FRMD3: variants seen among roughly 807,000 people sequenced by gnomAD.
FRMD3 encodes FERM domain containing 3, also known as FERM domain-containing protein 3.
FRMD3 carries 33 observed loss-of-function variants against 70.2 expected under a neutral mutation model. The ratio of observed to expected loss-of-function variants is 0.47; its 90% CI spans 0.36 to 0.63. The LOEUF is 0.63. FRMD3 is among the 20% of genes least tolerant of loss of function. FRMD3 has a pLI of 0.00. For synonymous variants in FRMD3, 279 were observed against 255.9 expected (o/e 1.09, Z -0.86); for missense variants, 632 against 711.4 (o/e 0.89, Z 1.27).
intron 3 of FRMD3, among the ~76,000 whole-genome samples, chr9:83,351,700 G>GATAGATAT (rs1824167630): frequency 6.6e-6 from 1 of 151,286 alleles, no homozygotes; most frequent in African/African-American, 2.4e-5. Context: ...TAGATAGATA[G>GATAGATAT]ATAGATAGAT....
At chr9:83,385,206 C>G (rs76413872) in intron 2 of FRMD3, among the ~76,000 whole-genome samples, 1,936 of 151,746 alleles carry the variant, frequency 0.013, 35 homozygotes, top group African/African-American at 0.044. Context: ...AAAATCTAAA[C>G]TTAAGCCAAG....
Position 83,537,302 on chromosome 9 carries a change from T to A in FRMD3, c.147+783A>T, listed in dbSNP as rs905478520. Among the ~76,000 whole-genome samples the A allele has an allele frequency of 1.3e-5, 2 of 152,218 alleles. No individual in the cohort carries two copies. The highest frequency in any genetic ancestry group is 2.9e-5 in the Non-Finnish European group (2 of 68,038). ...CAAACAACTCGCCTTCTCCTCCAAC[T>A]TGGGCGACAGTGAATGTCCACCAAG... On this transcript the variant is annotated intron_variant, in intron 1 of 13. Coordinates refer to ENST00000304195, the MANE Select transcript of FRMD3 (RefSeq NM_174938.6). The surrounding 1 kb of genome is among the most constrained non-coding windows in gnomAD (Gnocchi z 4.1).
At chr9:83,408,161 A>C (rs1316021341) in intron 1 of FRMD3, among the ~76,000 whole-genome samples, 6 of 152,174 alleles carry the variant, frequency 3.9e-5, no homozygotes. Flanking sequence ...AAAGGGAATT[A>C]AACATGTCCT....
intron 3 of FRMD3, among the ~76,000 whole-genome samples, chr9:83,369,621 T>TAAATAAATAAAA (rs1295025591): frequency 3.5e-5 from 5 of 143,724 alleles, no homozygotes; most frequent in Admixed American, 1.4e-4. Flanking sequence ...AATAAATAAA[T>TAAATAAATAAAA]AAAATACACA....
At chr9:83,490,763 TTCTCTCTCTCTCTCTCTCTCTCTC>T (rs67058664) in intron 1 of FRMD3, among the ~76,000 whole-genome samples, 1 of 129,222 alleles carries the variant, frequency 7.7e-6, no homozygotes, top group African/African-American at 2.8e-5. Context: ...TTTTACTCTC[TTCTCTCTCTCTCTCTCTCTCTCTC>T]TCTCTCTCTC....
At chr9:83,561,765 T>C in the FRMD3 span, among the ~76,000 whole-genome samples, 2 of 152,198 alleles carry the variant, frequency 1.3e-5, no homozygotes, top group Non-Finnish European at 2.9e-5. Context: ...AACCCTGACA[T>C]GAATAGGGTA....
In FRMD3 at chr9:83,413,943, T is replaced by C. The variant is rs549390544; in HGVS notation, c.148-24235A>G. On this transcript the variant is annotated intron_variant, in intron 1 of 13. Coordinates refer to ENST00000304195, the MANE Select transcript of FRMD3 (RefSeq NM_174938.6). ...TACAAATAATTATTCCAAGAAATGA[T>C]AGAATTGTAGTCCTAGCAGGAACCA... Among the ~76,000 whole-genome samples the C allele has an allele frequency of 4.5e-4, 69 of 152,288 alleles. No homozygotes were observed. In the South Asian group the frequency reaches 9.5e-3, roughly 21 times the overall value.
chr9:83,488,554 G>GT (rs1828736969), intron 1 of FRMD3, among the ~76,000 whole-genome samples: 1 of 152,154 alleles, frequency 6.6e-6, no homozygotes, highest in Admixed American at 6.5e-5. Context: ...AGGGGACCCC[G>GT]TTTTAAAAAA....
intron 2 of FRMD3, among the ~76,000 whole-genome samples, chr9:83,382,543 T>C (rs1406629122): frequency 1.3e-5 from 2 of 152,190 alleles, no homozygotes; most frequent in African/African-American, 2.4e-5. Context: ...GTGGCAGAGA[T>C]AGGATTTGCC....
Position 83,357,266 on chromosome 9 carries a change from T to TA in FRMD3, c.296-7510dup, listed in dbSNP as rs1824417428. 3.1e-5 allele frequency among the ~76,000 whole-genome samples: 2 copies of TA among 65,404 alleles called. 1 individual carries two copies. Among genetic ancestry groups the TA allele is most frequent in the South Asian group, 8.8e-4 (2 of 2,262 alleles). The allele number at this position is 65,404 out of a possible 152,430, so 42.9% of individuals were successfully genotyped here. ...ACATACATATATATATATATATATA[T>TA]ATATATATATATATATATATATATA... On this transcript the variant is annotated intron_variant, in intron 3 of 13. Transcript: ENST00000304195.
intron 13 of FRMD3, among the ~76,000 whole-genome samples, chr9:83,271,914 C>T (rs1174717320): frequency 6.6e-6 from 1 of 152,236 alleles, no homozygotes; most frequent in East Asian, 1.9e-4. Flanking sequence ...TCATGACTTA[C>T]TTCCTTGTAT....
chr9:83,570,014 G>A, the FRMD3 span, among the ~76,000 whole-genome samples: 2 of 152,152 alleles, frequency 1.3e-5, no homozygotes, highest in Non-Finnish European at 2.9e-5. Context: ...CAGAGCTCCT[G>A]GCTTTTTCAA....
Position 83,248,251 on chromosome 9 carries a change from T to C in FRMD3, c.1461A>G (p.Glu487=), listed in dbSNP as rs1488141968. The C allele has an allele frequency of 1.2e-6, 2 of 1,614,100 alleles. No homozygotes were observed. The highest frequency in any genetic ancestry group is 1.7e-6 in the Non-Finnish European group (2 of 1,180,050). The part of the protein sequence containing the change: ...REDTDSFEDL[E]ADENAFLIAE... The stretch of plus-strand genomic sequence containing the variant: ...CAATCAAAAAGGCGTTTTCATCTGC[T>C]TCCAGATCCTCAAATGAATCTGTGT... The change falls in exon 14 of 14, where the codon GAA becomes GAG. Residue 487 remains glutamate, a synonymous_variant. Coordinates refer to ENST00000304195, the MANE Select transcript of FRMD3 (RefSeq NM_174938.6).
intron 10 of FRMD3, among the ~76,000 whole-genome samples, chr9:83,303,135 C>G (rs564516544): frequency 6.6e-6 from 1 of 152,324 alleles, no homozygotes; most frequent in East Asian, 1.9e-4. Context: ...ATTAACAACA[C>G]TATTTCCCAT....
In FRMD3 at chr9:83,363,659, A is replaced by G. The variant is rs998761256; in HGVS notation, c.295+9254T>C. ...GGCTCCGCCCCCCGGGGTTCACGCCATTCTCCTGCCTCAGCCTCCTGAGTA... is the reference window on the plus strand; with the variant it reads ...GGCTCCGCCCCCCGGGGTTCACGCCGTTCTCCTGCCTCAGCCTCCTGAGTA... On this transcript the variant is annotated intron_variant, in intron 3 of 13. Transcript: ENST00000304195. Among the ~76,000 whole-genome samples, 22 of 144,374 alleles carry G rather than the reference A, an allele frequency of 1.5e-4. No individual in the cohort carries two copies. The East Asian group carries it at 1.7e-3, about 11-fold the overall frequency. The allele number at this position is 144,374 out of a possible 152,430, so 94.7% of individuals were successfully genotyped here.
At chr9:83,557,398 T>C in the FRMD3 span, among the ~76,000 whole-genome samples, 1 of 152,176 alleles carries the variant, frequency 6.6e-6, no homozygotes, top group East Asian at 1.9e-4. Context: ...TGAAAAAAAA[T>C]TGCTGAAGCT....
intron 10 of FRMD3, among the ~76,000 whole-genome samples, chr9:83,300,848 C>A (rs1259033744): frequency 6.6e-6 from 1 of 152,082 alleles, no homozygotes; most frequent in Non-Finnish European, 1.5e-5. Flanking sequence ...GACAGAGAGC[C>A]AGAATCCAAT....
rs572668710 is a variant in FRMD3 at position 83,459,342 on chromosome 9, G to C, written c.148-69634C>G. Among the ~76,000 whole-genome samples, 6 of 152,178 alleles carry C rather than the reference G, an allele frequency of 3.9e-5. No homozygotes were observed. The East Asian group carries it at 1.2e-3, about 29-fold the overall frequency. On this transcript the variant is annotated intron_variant, in intron 1 of 13. Transcript: ENST00000304195. ...CTCCTGAATTCTGACTCCCCACCTG[G>C]AGCAGGTATCCACAAGCAGACACAT...
At chr9:83,406,537 A>G (rs1826108954) in intron 1 of FRMD3, among the ~76,000 whole-genome samples, 1 of 152,232 alleles carries the variant, frequency 6.6e-6, no homozygotes, top group Non-Finnish European at 1.5e-5. Context: ...AATTTTAAAG[A>G]GCTCAGGAAA....
Sources: gnomAD v4.1 joint callset for allele counts (sites outside exome capture counted in the v4.1 genomes callset) on GRCh38, gnomAD v4.1.1 for gene constraint, Gnocchi (gnomAD v3.1) non-coding constraint, MANE v1.5 for transcripts, NCBI Gene and HGNC (gene_info 2026-07-23, HGNC 2026-07-21) for gene names.